Variants in ACSL3 observed in about 807,000 individuals in gnomAD.
ACSL3 encodes fatty acid CoA ligase Acsl3.
A neutral mutation model predicts 84.7 loss-of-function variants in ACSL3; 34 were observed. That is an observed-to-expected ratio of 0.40 (90% CI 0.31 to 0.53). The LOEUF is 0.53. Ranked by LOEUF, ACSL3 falls within the 20% of genes least tolerant of loss-of-function variation. ACSL3 has a pLI of 0.48. For synonymous variants in ACSL3, 315 were observed against 299.4 expected (o/e 1.05, Z -0.54); for missense variants, 680 against 873.1 (o/e 0.78, Z 2.79).
At chr2:222,865,386 C>T (rs1326343462) in intron 1 of ACSL3, among the ~76,000 whole-genome samples, 1 of 152,184 alleles carries the variant, frequency 6.6e-6, no homozygotes, top group Non-Finnish European at 1.5e-5. Flanking sequence ...CCTCCAAATA[C>T]AGCTTTCTGC....
chr2:222,941,610 A>T lies in ACSL3; in HGVS notation c.2119A>T (p.Thr707Ser). ...CAAGCTGAAACGCAAAGAGCTTAAA[A>T]CACATTACCAGGCGGACATTGAGCG... The part of the protein sequence containing the change: ...AFKLKRKELK[T>S]HYQADIERMY... Residue 707 changes from threonine (T) to serine (S), a missense_variant, in exon 17 of 17, where the codon ACA becomes TCA. This residue lies in a region of ACSL3 where 347 missense variants were observed against 525.7 expected (regional missense o/e 0.66). Coordinates refer to ENST00000357430, the MANE Select transcript of ACSL3 (RefSeq NM_004457.5). The T allele has an allele frequency of 6.2e-7, 1 of 1,613,472 alleles. No individual in the cohort carries two copies. The highest frequency in any genetic ancestry group is 8.5e-7 in the Non-Finnish European group (1 of 1,179,712).
In ACSL3 at chr2:222,915,261, A is replaced by G. The variant is rs79025768; in HGVS notation, c.379-1058A>G. Among the ~76,000 whole-genome samples, 1,050 of 152,362 alleles carry G rather than the reference A, an allele frequency of 6.9e-3. 4 individuals are homozygous for G. The highest frequency in any genetic ancestry group is 0.051 in the Middle Eastern group (15 of 294). On this transcript the variant is annotated intron_variant, in intron 4 of 16. Transcript: ENST00000357430. ...CAAGGTGAGAGTTTGGGACCAGTAA[A>G]GTAAATAAGTACCATCTTAAATGCA...
At chr2:222,881,134 GT>G in intron 1 of ACSL3, among the ~76,000 whole-genome samples, 2 of 152,154 alleles carry the variant, frequency 1.3e-5, no homozygotes, top group South Asian at 4.2e-4. Flanking sequence ...TCATTACATT[GT>G]TTAATGTAAT....
chr2:222,907,987 A>G (rs1051335543), intron 3 of ACSL3, among the ~76,000 whole-genome samples: 1 of 152,156 alleles, frequency 6.6e-6, no homozygotes, highest in African/African-American at 2.4e-5. Context: ...TCTGGCACGT[A>G]CACATGCATG....
At chr2:222,930,494 T>C (rs1478212410) in intron 13 of ACSL3, 127 bp from the exon 14 acceptor site, 5 of 714,112 alleles carry the variant, frequency 7.0e-6, no homozygotes, top group Non-Finnish European at 1.1e-5. Flanking sequence ...TCATTCATAG[T>C]GTCTGCCTTT....
At chr2:222,930,393 AT>A (rs1199567680) in intron 13 of ACSL3, among the ~76,000 whole-genome samples, 2 of 152,106 alleles carry the variant, frequency 1.3e-5, no homozygotes, top group African/African-American at 2.4e-5. Flanking sequence ...TTAGAGTTTA[AT>A]TTTTTTCTCA....
chr2:222,927,086 A>T lies in ACSL3; in HGVS notation c.1362A>T (p.Pro454=), dbSNP rs1696901247. The T allele has an allele frequency of 6.2e-7, 1 of 1,614,132 alleles. No individual in the cohort carries two copies. Among genetic ancestry groups the T allele is most frequent in the Non-Finnish European group, 8.5e-7 (1 of 1,180,022 alleles). The change falls in exon 12 of 17, where the codon CCA becomes CCT. Residue 454 remains proline, a synonymous_variant. Coordinates refer to ENST00000357430, the MANE Select transcript of ACSL3 (RefSeq NM_004457.5). ...NIRLLLCGGA[P]LSATTQRFMN... is the part of the protein sequence containing the mutation. ...GTCTCCTGTTGTGTGGTGGCGCTCC[A>T]CTTTCTGCAACCACGCAGCGATTCA...
intron 16 of ACSL3, among the ~76,000 whole-genome samples, chr2:222,940,686 C>T (rs373358589): frequency 1.3e-5 from 2 of 152,228 alleles, no homozygotes; most frequent in Admixed American, 6.5e-5. Flanking sequence ...CAATAACGTG[C>T]TGTGCGGGTG....
At chr2:222,888,323 G>A (rs1695769254) in intron 2 of ACSL3, among the ~76,000 whole-genome samples, 1 of 152,166 alleles carries the variant, frequency 6.6e-6, no homozygotes, top group African/African-American at 2.4e-5. Flanking sequence ...CAGTTGTCAT[G>A]GGGCATAAGA....
chr2:222,876,497 A>G (rs1695453223), intron 1 of ACSL3, among the ~76,000 whole-genome samples: 1 of 150,672 alleles, frequency 6.6e-6, no homozygotes, highest in African/African-American at 2.4e-5. Context: ...AATTAAAAAC[A>G]TTTTTTTTTG....
chr2:222,914,608 G>A (rs1696528705), intron 4 of ACSL3, among the ~76,000 whole-genome samples: 1 of 152,166 alleles, frequency 6.6e-6, no homozygotes, highest in Non-Finnish European at 1.5e-5. Context: ...GTATTTCAGA[G>A]GGTGAGAAAA....
chr2:222,879,973 G>A (rs1391813545), intron 1 of ACSL3, among the ~76,000 whole-genome samples: 2 of 151,958 alleles, frequency 1.3e-5, no homozygotes, highest in African/African-American at 4.8e-5. Context: ...TTGCTTCAGG[G>A]ATCTGCTTCT....
intron 1 of ACSL3, among the ~76,000 whole-genome samples, chr2:222,883,743 C>A (rs553693741): frequency 1.6e-4 from 25 of 152,062 alleles, no homozygotes; most frequent in African/African-American, 5.8e-4. Flanking sequence ...GAACTTGAAT[C>A]TCTTGGATTA....
intron 2 of ACSL3, among the ~76,000 whole-genome samples, chr2:222,889,748 A>G (rs968752074): frequency 2.6e-5 from 4 of 152,188 alleles, no homozygotes; most frequent in Non-Finnish European, 4.4e-5. Context: ...TGTTTCTCAT[A>G]GCTACTTAAG....
At chr2:222,884,728 G>A (rs1190163712) in intron 1 of ACSL3, among the ~76,000 whole-genome samples, 1 of 152,190 alleles carries the variant, frequency 6.6e-6, no homozygotes, top group African/African-American at 2.4e-5. Flanking sequence ...AGATCCTAGG[G>A]ATTAGGGCCT....
intron 15 of ACSL3, chr2:222,933,653 A>G (rs1007511163): frequency 2.5e-5 from 4 of 161,012 alleles, no homozygotes; most frequent in Admixed American, 6.3e-5. Flanking sequence ...TGTGCTGCTT[A>G]CTTACTCCTG....
intron 1 of ACSL3, among the ~76,000 whole-genome samples, chr2:222,873,796 A>G (rs917464657): frequency 1.3e-5 from 2 of 152,232 alleles, no homozygotes; most frequent in Non-Finnish European, 2.9e-5. Flanking sequence ...TTAGATTTGC[A>G]TATTTTCATT....
intron 2 of ACSL3, among the ~76,000 whole-genome samples, chr2:222,891,530 G>C (rs970706084): frequency 6.6e-6 from 1 of 152,116 alleles, no homozygotes; most frequent in African/African-American, 2.4e-5. Flanking sequence ...ATCTAGAAGA[G>C]GGATAAAAGC....
intron 1 of ACSL3, among the ~76,000 whole-genome samples, chr2:222,864,115 CTAAGTGATTACTAGG>C (rs1695079568): frequency 6.6e-6 from 1 of 152,030 alleles, no homozygotes; most frequent in South Asian, 2.1e-4. Context: ...GAAAGAGGTG[CTAAGTGATTACTAGG>C]TTTCAGACCT....
Sources: allele counts gnomAD v4.1 joint callset (sites outside exome capture counted in the v4.1 genomes callset), GRCh38; gene constraint gnomAD v4.1.1; regional missense constraint gnomAD v4.1.1; transcripts MANE v1.5; gene names NCBI Gene and HGNC (gene_info 2026-07-23, HGNC 2026-07-21).